Variants in HYDIN observed in about 807,000 individuals in gnomAD.
The protein encoded by HYDIN is HYDIN axonemal central pair apparatus protein, also known as axonemal central pair apparatus protein HYDIN.
Under a neutral mutation model 403.9 loss-of-function variants are expected in HYDIN, and 132 were observed. That is an observed-to-expected ratio of 0.33 (90% CI 0.28 to 0.38). The LOEUF (loss-of-function observed/expected upper bound fraction) is 0.38. Among genes scored for constraint, HYDIN ranks in the 10% least tolerant of loss-of-function variants. HYDIN has a pLI of 1.00. For synonymous variants in HYDIN, 1,202 were observed against 1,891.7 expected, an observed-to-expected ratio of 0.64 and a Z score of 9.46; for missense variants, 2,827 against 5,009.5, an observed-to-expected ratio of 0.56 and a Z score of 13.15.
intron 13 of HYDIN, among the ~76,000 whole-genome samples, chr16:71,073,482 C>T (rs2082532480): frequency 1.3e-5 from 2 of 152,362 alleles, no homozygotes; most frequent in South Asian, 4.1e-4. Flanking sequence ...CAGCTACATA[C>T]TGCCAATTTA....
chr16:71,227,823 A>G (rs1598081452), intron 1 of HYDIN, among the ~76,000 whole-genome samples: 1 of 152,226 alleles, frequency 6.6e-6, no homozygotes, highest in African/African-American at 2.4e-5. Flanking sequence ...TAAAGTTCAT[A>G]TGGAACCAAA....
chr16:71,149,463 G>GCA (rs1356188936), intron 7 of HYDIN, among the ~76,000 whole-genome samples: 17 of 151,188 alleles, frequency 1.1e-4, no homozygotes, highest in East Asian at 5.9e-4. Context: ...ATGTATATCT[G>GCA]CACACACACA....
At chr16:71,208,977 T>C (rs1403494915) in intron 1 of HYDIN, among the ~76,000 whole-genome samples, 3 of 152,130 alleles carry the variant, frequency 2.0e-5, no homozygotes, top group African/African-American at 4.8e-5. Flanking sequence ...CAAAGAAGAA[T>C]GGGTACCATT....
chr16:71,157,651 T>C (rs947970432), intron 6 of HYDIN, among the ~76,000 whole-genome samples: 4 of 152,172 alleles, frequency 2.6e-5, no homozygotes, highest in African/African-American at 7.2e-5. Flanking sequence ...TCAATGATAG[T>C]TGAAAAACAT....
Position 70,826,705 on chromosome 16 carries a change from ATCTCTCTCTCTC to A in HYDIN, c.14427+544_14427+555del, listed in dbSNP as rs3043151. ...ACACTGCTGGATGCGTCTTGCCAGC[ATCTCTCTCTCTC>A]TCTCTCTCTCTCTCTCTCTCTCTCT... On this transcript the variant is annotated intron_variant, in intron 83 of 85. Transcript: ENST00000393567. 2.5e-3 allele frequency among the ~76,000 whole-genome samples: 323 copies of A among 129,056 alleles called. 1 individual carries two copies. Among genetic ancestry groups the A allele is most frequent in the Non-Finnish European group, 3.9e-3 (247 of 63,448 alleles). 84.7% of individuals were successfully genotyped at this position (129,056 alleles called of 152,430 possible).
At chr16:71,129,953 A>G (rs2084638346) in intron 8 of HYDIN, 130 bp from the exon 9 acceptor site, 1 of 944,996 alleles carries the variant, frequency 1.1e-6, no homozygotes, top group Non-Finnish European at 1.5e-6. Flanking sequence ...CCTTGCCCTG[A>G]GTCTGTAACC....
At chr16:70,940,952 C>A (rs2077652896) in intron 43 of HYDIN, among the ~76,000 whole-genome samples, 1 of 152,118 alleles carries the variant, frequency 6.6e-6, no homozygotes, top group Non-Finnish European at 1.5e-5. Flanking sequence ...CCCTGGGGGG[C>A]CAAGATTTGC....
chr16:71,210,386 T>C (rs920691775), intron 1 of HYDIN, among the ~76,000 whole-genome samples: 3 of 152,218 alleles, frequency 2.0e-5, no homozygotes, highest in African/African-American at 7.2e-5. Flanking sequence ...TAGACCATTA[T>C]GCTCAGCAAA....
In HYDIN at chr16:71,046,846, T is replaced by A. The variant is rs560099776; in HGVS notation, c.2529+13658A>T. On this transcript the variant is annotated intron_variant, in intron 18 of 85. Transcript: ENST00000393567. The stretch of plus-strand genomic sequence containing the variant: ...CTTAATGTTGAATATGACTGTATAC[T>A]ATCAGTGCACAAAACAGGAAGAGTC... Among the ~76,000 whole-genome samples, 27 of 152,344 alleles carry A rather than the reference T, an allele frequency of 1.8e-4. No homozygotes were observed. The East Asian group carries it at 4.8e-3, about 27-fold the overall frequency.
At chr16:70,933,146 A>T (rs2077398317) in intron 45 of HYDIN, among the ~76,000 whole-genome samples, 1 of 152,008 alleles carries the variant, frequency 6.6e-6, no homozygotes, top group South Asian at 2.1e-4. Flanking sequence ...ACAGTACCAC[A>T]GCAAAGACGG....
chr16:71,026,888 A>T (rs2080723162), intron 20 of HYDIN, among the ~76,000 whole-genome samples: 1 of 152,022 alleles, frequency 6.6e-6, no homozygotes, highest in South Asian at 2.1e-4. Flanking sequence ...TTGGCAACAC[A>T]AGCAGGATCT....
At chr16:70,817,881 A>C (rs1326642406) in intron 84 of HYDIN, among the ~76,000 whole-genome samples, 5 of 152,052 alleles carry the variant, frequency 3.3e-5, no homozygotes, top group Non-Finnish European at 7.3e-5. Flanking sequence ...AGCTGGGATT[A>C]CAGGCGCCCA....
At chr16:71,229,030 A>G (rs993995632) in intron 1 of HYDIN, among the ~76,000 whole-genome samples, 1 of 152,026 alleles carries the variant, frequency 6.6e-6, no homozygotes, top group African/African-American at 2.4e-5. Flanking sequence ...GCTGGAAACC[A>G]TCATTCTCAG....
At chr16:71,228,302 T>A (rs2144780206) in intron 1 of HYDIN, among the ~76,000 whole-genome samples, 1 of 152,230 alleles carries the variant, frequency 6.6e-6, no homozygotes, top group African/African-American at 2.4e-5. Flanking sequence ...AAAGCCAGAA[T>A]TGACAAATGG....
intron 45 of HYDIN, among the ~76,000 whole-genome samples, chr16:70,928,008 G>C (rs57186604): frequency 1.1e-4 from 16 of 149,420 alleles, no homozygotes; most frequent in Non-Finnish European, 1.5e-5. Flanking sequence ...TTAGGTAAAA[G>C]AAAACAGACA....
Position 70,991,307 on chromosome 16 carries a change from G to A in HYDIN, c.3864+11C>T. ...GACCTGCCTACCCTCCCCATGGAAA[G>A]GACACCGTACATCTGAGATCACACT... On this transcript the variant is annotated intron_variant, in intron 25 of 85. Coordinates refer to ENST00000393567, the MANE Select transcript of HYDIN (RefSeq NM_001270974.2). 6.2e-7 allele frequency: 1 copy of A among 1,613,838 alleles called. No homozygotes were observed. Among genetic ancestry groups the A allele is most frequent in the East Asian group, 2.2e-5 (1 of 44,864 alleles).
At chr16:70,955,119 C>T (rs1344517954) in intron 40 of HYDIN, among the ~76,000 whole-genome samples, 1 of 152,186 alleles carries the variant, frequency 6.6e-6, no homozygotes, top group East Asian at 1.9e-4. Context: ...GTCAGACTTC[C>T]AAAGGTGTGG....
At chr16:70,965,611 A>T (rs2078549355) in intron 36 of HYDIN, among the ~76,000 whole-genome samples, 1 of 152,256 alleles carries the variant, frequency 6.6e-6, no homozygotes, top group South Asian at 2.1e-4. Flanking sequence ...AGTTTTAAAA[A>T]GCATTTACTT....
At chr16:71,102,122 C>T (rs1292966357) in intron 10 of HYDIN, among the ~76,000 whole-genome samples, 1 of 151,918 alleles carries the variant, frequency 6.6e-6, no homozygotes, top group African/African-American at 2.4e-5. Flanking sequence ...GTTATACCCA[C>T]ATATGGCTAA....
Sources: gnomAD v4.1 joint callset for allele counts (sites outside exome capture counted in the v4.1 genomes callset) on GRCh38, gnomAD v4.1.1 for gene constraint, MANE v1.5 for transcripts, NCBI Gene and HGNC (gene_info 2026-07-23, HGNC 2026-07-21) for gene names.